FRAS1: variants seen among roughly 807,000 people sequenced by gnomAD.
The protein encoded by FRAS1 is extracellular matrix organizing protein FRAS1.
Under a neutral mutation model 435.2 loss-of-function variants are expected in FRAS1, and 290 were observed. The ratio of observed to expected loss-of-function variants is 0.67; its 90% confidence interval spans 0.61 to 0.73. FRAS1 has a LOEUF of 0.73. Among genes scored for constraint, FRAS1 ranks in the 30% least tolerant of loss-of-function variants. The pLI is 0.00. For missense variants in FRAS1, 4,860 were observed against 5,001.5 expected, an observed-to-expected ratio of 0.97 and a Z score of 0.85; for synonymous variants, 1,800 against 1,851.0, an observed-to-expected ratio of 0.97 and a Z score of 0.71.
intron 32 of FRAS1, among the ~76,000 whole-genome samples, chr4:78,414,888 T>C (rs758275208): frequency 3.9e-5 from 6 of 152,040 alleles, no homozygotes; most frequent in African/African-American, 7.2e-5. Flanking sequence ...AATACAATAA[T>C]AAATGCCATG....
intron 33 of FRAS1, 42 bp from the exon 34 acceptor site, chr4:78,421,821 G>A (rs1020578364): frequency 6.2e-7 from 1 of 1,607,484 alleles, no homozygotes; most frequent in African/African-American, 1.3e-5. Flanking sequence ...AGTCAGTGAT[G>A]AGAATTACTG....
chr4:78,384,636 A>G (rs966226410), intron 28 of FRAS1, among the ~76,000 whole-genome samples: 5 of 151,990 alleles, frequency 3.3e-5, no homozygotes, highest in Non-Finnish European at 7.4e-5. Context: ...GCTCATGCCT[A>G]TAATCTCAGC....
At chr4:78,441,041 C>A in intron 40 of FRAS1, 121 bp from the exon 41 acceptor site, 1 of 874,752 alleles carries the variant, frequency 1.1e-6, no homozygotes, top group Non-Finnish European at 1.8e-6. Flanking sequence ...GATGGTCTGC[C>A]TCCTCAAAGA....
intron 20 of FRAS1, among the ~76,000 whole-genome samples, chr4:78,358,480 A>G (rs1021435552): frequency 5.3e-5 from 8 of 152,328 alleles, no homozygotes; most frequent in South Asian, 2.1e-4. Context: ...GACTTAGTCT[A>G]TATATGATAT....
rs573322790 is a variant in FRAS1, at chr4:78,507,207, A to G, written c.9317-214A>G. Among the ~76,000 whole-genome samples the G allele has an allele frequency of 9.8e-5, 15 of 152,368 alleles. No homozygotes were observed. In the South Asian group the frequency reaches 2.9e-3, roughly 29 times the overall value. Reference sequence around the variant, plus strand: ...TATGGTGTTGAACAGTAAATCTGCAATACTGAGCCTCTACCACAGGTGGAA... The same window carrying G: ...TATGGTGTTGAACAGTAAATCTGCAGTACTGAGCCTCTACCACAGGTGGAA... On this transcript the variant is annotated intron_variant, in intron 61 of 73. Transcript: ENST00000512123.
intron 20 of FRAS1, among the ~76,000 whole-genome samples, chr4:78,354,985 A>G (rs1730793557): frequency 6.6e-6 from 1 of 152,184 alleles, no homozygotes; most frequent in African/African-American, 2.4e-5. Context: ...AGAAAGCATC[A>G]CATATTGATG....
At chr4:78,191,912 G>T (rs930608263) in intron 2 of FRAS1, among the ~76,000 whole-genome samples, 3 of 152,060 alleles carry the variant, frequency 2.0e-5, no homozygotes, top group Non-Finnish European at 4.4e-5. Flanking sequence ...TAGTGTATAT[G>T]TGCCACATTT....
At chr4:78,117,387 A>G (rs1718664527) in intron 2 of FRAS1, among the ~76,000 whole-genome samples, 1 of 152,188 alleles carries the variant, frequency 6.6e-6, no homozygotes, top group Admixed American at 6.5e-5. Context: ...CTGCCTTGCT[A>G]GATTGGGTAA....
At chr4:78,147,503 T>A (rs556186105) in intron 2 of FRAS1, among the ~76,000 whole-genome samples, 2 of 152,294 alleles carry the variant, frequency 1.3e-5, no homozygotes, top group Admixed American at 6.5e-5. Flanking sequence ...ATAGCACTTA[T>A]CACATATTGG....
chr4:78,453,323 T>C (rs1003865556), intron 47 of FRAS1, among the ~76,000 whole-genome samples: 1 of 152,160 alleles, frequency 6.6e-6, no homozygotes, highest in African/African-American at 2.4e-5. Flanking sequence ...GGATTTCACC[T>C]AGAGCAGCAG....
At chr4:78,371,837 A>G (rs890587917) in intron 23 of FRAS1, among the ~76,000 whole-genome samples, 2 of 152,222 alleles carry the variant, frequency 1.3e-5, no homozygotes, top group Non-Finnish European at 2.9e-5. Context: ...AGCAACAACT[A>G]TAATATTCAC....
chr4:78,317,345 C>A, intron 16 of FRAS1, 23 bp from the exon 17 acceptor site: 1 of 1,613,474 alleles, frequency 6.2e-7, no homozygotes, highest in Non-Finnish European at 8.5e-7. Context: ...CCATGGCGTT[C>A]TCCCTCTCAC....
At chr4:78,432,269 C>T (rs1356149745) in intron 37 of FRAS1, 88 bp from the exon 38 acceptor site, 1 of 1,349,098 alleles carries the variant, frequency 7.4e-7, no homozygotes, top group African/African-American at 1.5e-5. Flanking sequence ...CCTATATGAA[C>T]CTTAAAGTCC....
At chr4:78,522,618 C>T (rs1424339764) in intron 68 of FRAS1, 31 bp from the exon 69 acceptor site, 2 of 1,559,736 alleles carry the variant, frequency 1.3e-6, no homozygotes, top group South Asian at 2.3e-5. Flanking sequence ...ACCACAAGTA[C>T]ATTAAATGCA....
Position 78,496,963 on chromosome 4 carries a change from TA to T in FRAS1, c.9115+4del. 2 of 1,610,218 alleles carry T rather than the reference TA, an allele frequency of 1.2e-6. No individual in the cohort carries two copies. The highest frequency in any genetic ancestry group is 2.2e-5 in the South Asian group (2 of 90,656). On this transcript the variant is annotated splice_donor_region_variant and intron_variant, in intron 60 of 73. Transcript: ENST00000512123. ...TCACCATATCCAATGATGAAGATGG[TA>T]ACAGAAGAAATTATCTTTAGTTACT...
At chr4:78,476,313 A>C (rs1321738505) in intron 54 of FRAS1, among the ~76,000 whole-genome samples, 5 of 152,200 alleles carry the variant, frequency 3.3e-5, no homozygotes, top group Admixed American at 1.3e-4. Context: ...CAAGTCATCT[A>C]CATACCAGTG....
At chr4:78,218,979 A>G (rs561284989) in intron 2 of FRAS1, among the ~76,000 whole-genome samples, 1 of 152,358 alleles carries the variant, frequency 6.6e-6, no homozygotes, top group South Asian at 2.1e-4. Flanking sequence ...CTATTCTTAT[A>G]GAGGGAACAT....
At chr4:78,175,412 GA>G (rs1721726897) in intron 2 of FRAS1, among the ~76,000 whole-genome samples, 1 of 152,156 alleles carries the variant, frequency 6.6e-6, no homozygotes, top group African/African-American at 2.4e-5. Context: ...CTCTGCCATT[GA>G]ATGCACCCTC....
rs1318499237 is a variant in FRAS1 at position 78,542,192 on chromosome 4, C to T, written c.*1068C>T. The T allele has an allele frequency of 6.6e-6, 1 of 152,176 alleles. No homozygotes were observed. 9.4% of individuals were successfully genotyped at this position (152,176 alleles called of 1,614,324 possible). A position where few individuals can be genotyped will look rare whatever the true frequency, so the allele number is the denominator to read the frequency against. On this transcript the variant is annotated 3_prime_UTR_variant, in exon 74 of 74. Transcript: ENST00000512123. ...TGCTGGTTCTCCTTGCTGTGTGTGA[C>T]ACAGCAGACAGAGGCACTATTCCTG... is the stretch of plus-strand genomic sequence containing the variant.
Sources: allele counts gnomAD v4.1 joint callset (sites outside exome capture counted in the v4.1 genomes callset), GRCh38; gene constraint gnomAD v4.1.1; transcripts MANE v1.5; gene names NCBI Gene and HGNC (gene_info 2026-07-23, HGNC 2026-07-21).